The following ITGB2 variants were observed in gnomAD, a reference collection of about 807,000 sequenced individuals.
The protein encoded by ITGB2 is integrin beta-2.
Under a neutral mutation model 86.8 loss-of-function variants are expected in ITGB2, and 56 were observed. The ratio of observed to expected loss-of-function variants is 0.65; its 90% CI spans 0.52 to 0.81. The LOEUF is 0.81. Among genes scored for constraint, ITGB2 ranks in the 30% least tolerant of loss-of-function variants. ITGB2 has a pLI of 0.00. For missense variants in ITGB2, 948 were observed against 1,061.2 expected (o/e 0.89, Z 1.48); for synonymous variants, 457 against 450.4 (o/e 1.01, Z -0.19).
intron 3 of ITGB2, among the ~76,000 whole-genome samples, chr21:44,907,805 C>T (rs374779370): frequency 2.6e-5 from 4 of 152,070 alleles, no homozygotes; most frequent in Non-Finnish European, 5.9e-5. Context: ...TGGTGAGTCC[C>T]GCAGGCAGGG....
rs750019280 is a variant in ITGB2, at chr21:44,889,369, C to T, written c.1784G>A (p.Arg595Gln). The T allele has an allele frequency of 3.7e-5, 60 of 1,612,732 alleles. No homozygotes were observed. Among genetic ancestry groups the T allele is most frequent in the South Asian group, 3.2e-4 (29 of 91,078 alleles). ...GCACTCGCATACGTTGCAGCGGCAC[C>T]GGCCACGACCACTACACTCAACACG... Reference protein sequence around the residue: ...PRRVECSGRGRCRCNVCECHS... With the variant: ...PRRVECSGRGQCRCNVCECHS... The change falls in exon 13 of 16, where the codon CGG becomes CAG. Residue 595 changes from arginine to glutamine, a missense_variant. By Grantham distance (43) the Arg-to-Gln change is conservative. Coordinates refer to ENST00000652462, the MANE Select transcript of ITGB2 (RefSeq NM_000211.5).
upstream of ITGB2, among the ~76,000 whole-genome samples, chr21:44,925,193 C>G (rs2084356172): frequency 6.6e-6 from 1 of 150,562 alleles, no homozygotes; most frequent in African/African-American, 2.5e-5. Flanking sequence ...GCAGAAGGAT[C>G]TTTCAGGGGG....
intron 12 of ITGB2, 96 bp from the exon 13 acceptor site, chr21:44,889,591 C>T (rs1321478147): frequency 9.0e-7 from 1 of 1,108,972 alleles, no homozygotes; most frequent in South Asian, 1.3e-5. Flanking sequence ...GCCCGCCTGC[C>T]TCCTCCAGCC....
intron 1 of ITGB2, among the ~76,000 whole-genome samples, chr21:44,918,272 A>G (rs2084240561): frequency 6.6e-6 from 1 of 152,214 alleles, no homozygotes; most frequent in Non-Finnish European, 1.5e-5. Context: ...CGGTTCTCTG[A>G]CACAGGACAC....
In ITGB2 at chr21:44,903,276, C is replaced by T. The variant is rs199523724; in HGVS notation, c.499+89G>A. 2.0e-4 allele frequency: 301 copies of T among 1,528,716 alleles called. 3 individuals are homozygous for T. The East Asian group carries it at 6.7e-3, about 34-fold the overall frequency. 94.7% of individuals were successfully genotyped at this position (1,528,716 alleles called of 1,614,324 possible). A position where few individuals can be genotyped will look rare whatever the true frequency, so the allele number is the denominator to read the frequency against. ...GGGCCCCCAGATCTACCCTGGGGAC[C>T]TGAGTGCGAGGAGTTGTGTGGGCCA... On this transcript the variant is annotated intron_variant, in intron 5 of 15. Transcript: ENST00000652462.
intron 12 of ITGB2, 36 bp downstream of exon 12, chr21:44,889,942 G>T: frequency 6.2e-7 from 1 of 1,611,584 alleles, no homozygotes. Context: ...CTGTGCCGCA[G>T]GACGGCCGTT....
In ITGB2 at chr21:44,901,696, GA is replaced by G. The variant is rs1568893464; in HGVS notation, c.536del (p.Phe179SerfsTer2). 2 of 1,613,224 alleles carry G rather than the reference GA, an allele frequency of 1.2e-6. No homozygotes were observed. The highest frequency in any genetic ancestry group is 1.7e-6 in the Non-Finnish European group (2 of 1,179,156). On this transcript the variant is annotated frameshift_variant, in exon 6 of 16. Coordinates refer to ENST00000652462, the MANE Select transcript of ITGB2 (RefSeq NM_000211.5). LOFTEE classifies it high-confidence loss of function. Reference sequence around the variant, plus strand: ...GCAGCTTATCAGGGTGCGTGTTCACGAACGGCAGCACGGTCTTGTCCACGAA... The same window carrying G: ...GCAGCTTATCAGGGTGCGTGTTCACGACGGCAGCACGGTCTTGTCCACGAA... ...GSFVDKTVLP[F>X]VNTHPDKLRN...
Position 44,904,782 on chromosome 21 carries a change from A to G in ITGB2, c.329-1247T>C, listed in dbSNP as rs2084018421. Among the ~76,000 whole-genome samples the G allele has an allele frequency of 2.0e-5, 3 of 151,490 alleles. No individual in the cohort carries two copies. In the South Asian group the frequency reaches 6.2e-4, roughly 31 times the overall value. ...ACCCATACACACACGTGCCACACAT[A>G]TACACACACCCCACACAATGCTAAA... On this transcript the variant is annotated intron_variant, in intron 4 of 15. Coordinates refer to ENST00000652462, the MANE Select transcript of ITGB2 (RefSeq NM_000211.5).
intron 2 of ITGB2, 165 bp from the exon 3 acceptor site, chr21:44,910,537 G>A (rs560654125): frequency 1.7e-5 from 25 of 1,458,984 alleles, no homozygotes; most frequent in African/African-American, 2.8e-5. Flanking sequence ...AGGGGCCCTC[G>A]GGAAACAGCA....
chr21:44,909,168 A>C (rs1023379847), intron 3 of ITGB2, among the ~76,000 whole-genome samples: 4 of 152,324 alleles, frequency 2.6e-5, no homozygotes, highest in Admixed American at 2.0e-4. Flanking sequence ...ACCAGCCCAC[A>C]GTGGCTGCGA....
chr21:44,913,976 G>A (rs577708496), intron 1 of ITGB2, among the ~76,000 whole-genome samples: 1 of 152,266 alleles, frequency 6.6e-6, no homozygotes, highest in East Asian at 1.9e-4. Context: ...CAGGAGGGGA[G>A]GAAGAGCACA....
chr21:44,888,530 C>G (rs2083731691), intron 14 of ITGB2, among the ~76,000 whole-genome samples, 163 bp downstream of exon 14: 1 of 152,198 alleles, frequency 6.6e-6, no homozygotes, highest in Admixed American at 6.5e-5. Flanking sequence ...GGGGACCGGC[C>G]TCTGGCCTCC....
chr21:44,893,190 CAG>C, intron 10 of ITGB2: 1 of 558,338 alleles, frequency 1.8e-6, no homozygotes, highest in Non-Finnish European at 3.2e-6. Context: ...AGGAAAGAAA[CAG>C]GGTCCTTCCA....
At chr21:44,922,242 C>T (rs150456963), upstream of ITGB2, among the ~76,000 whole-genome samples, 2 of 152,202 alleles carry the variant, frequency 1.3e-5, no homozygotes, top group Non-Finnish European at 2.9e-5. Flanking sequence ...CCGTTCCATC[C>T]TATCTGGGGA....
At chr21:44,907,191 T>A in intron 3 of ITGB2, 96 bp from the exon 4 acceptor site, 1 of 875,444 alleles carries the variant, frequency 1.1e-6, no homozygotes, top group Non-Finnish European at 1.8e-6. Context: ...CCCTGTCCCC[T>A]CCTCCTCTGC....
At chr21:44,924,818 A>G (rs1228827396), upstream of ITGB2, among the ~76,000 whole-genome samples, 2 of 152,242 alleles carry the variant, frequency 1.3e-5, no homozygotes, top group Non-Finnish European at 2.9e-5. Flanking sequence ...CGTGACCCAC[A>G]GATCCGTAAC....
At chr21:44,910,483 T>A in intron 2 of ITGB2, 111 bp from the exon 3 acceptor site, 1 of 1,575,410 alleles carries the variant, frequency 6.3e-7, no homozygotes, top group Non-Finnish European at 8.6e-7. Flanking sequence ...GGAGGCAGCC[T>A]CCAGGAGGAG....
chr21:44,904,033 G>A (rs369510024), intron 4 of ITGB2, among the ~76,000 whole-genome samples: 3 of 152,150 alleles, frequency 2.0e-5, no homozygotes, highest in Non-Finnish European at 2.9e-5. Context: ...TCAGTCACAC[G>A]TGCGGTTGTG....
At chr21:44,911,644 C>T (rs1453893022) in intron 1 of ITGB2, among the ~76,000 whole-genome samples, 1 of 152,244 alleles carries the variant, frequency 6.6e-6, no homozygotes, top group Non-Finnish European at 1.5e-5. Flanking sequence ...GCCCAAGCCA[C>T]CAGTTGCCGG....
Sources: allele counts gnomAD v4.1 joint callset (sites outside exome capture counted in the v4.1 genomes callset), GRCh38; gene constraint gnomAD v4.1.1; transcripts MANE v1.5; gene names NCBI Gene and HGNC (gene_info 2026-07-23, HGNC 2026-07-21).